PPM1E: variants seen among roughly 807,000 people sequenced by gnomAD.
The protein encoded by PPM1E is protein phosphatase 1E.
In PPM1E, 20 loss-of-function variants were observed where a neutral mutation model predicts 65.9. The ratio of observed to expected loss-of-function variants is 0.30; its 90% CI spans 0.21 to 0.44. The LOEUF is 0.44. Ranked by LOEUF, PPM1E falls within the 20% of genes least tolerant of loss-of-function variation. PPM1E has a pLI of 1.00. For missense variants in PPM1E, 713 were observed against 953.1 expected (o/e 0.75, Z 3.32); for synonymous variants, 352 against 374.9 (o/e 0.94, Z 0.70).
At chr17:58,882,951 C>CTTT (rs549698099) in intron 1 of PPM1E, among the ~76,000 whole-genome samples, 46 of 98,836 alleles carry the variant, frequency 4.7e-4, no homozygotes, top group African/African-American at 7.3e-4. Context: ...TTATTACTTT[C>CTTT]TTTTTTTTTT....
intron 1 of PPM1E, among the ~76,000 whole-genome samples, chr17:58,925,071 A>G (rs2051807441): frequency 6.6e-6 from 1 of 152,124 alleles, no homozygotes; most frequent in Non-Finnish European, 1.5e-5. Context: ...AGAATTATTT[A>G]TATTCCTTTG....
At chr17:58,798,130 T>G (rs2050222677) in intron 1 of PPM1E, among the ~76,000 whole-genome samples, 1 of 152,230 alleles carries the variant, frequency 6.6e-6, no homozygotes, top group Non-Finnish European at 1.5e-5. Flanking sequence ...GTATTTTTCC[T>G]TACTGAGTTA....
chr17:58,929,998 G>A (rs1035636274), intron 1 of PPM1E, among the ~76,000 whole-genome samples: 1 of 152,060 alleles, frequency 6.6e-6, no homozygotes, highest in African/African-American at 2.4e-5. Context: ...AATTCTTCCT[G>A]CTATCTCTGT....
At chr17:58,850,475 G>T (rs937957532) in intron 1 of PPM1E, among the ~76,000 whole-genome samples, 15 of 152,214 alleles carry the variant, frequency 9.9e-5, no homozygotes, top group African/African-American at 3.6e-4. Flanking sequence ...AGGCCTGGTG[G>T]TGACAAAATC....
chr17:58,879,779 G>T (rs985252968), intron 1 of PPM1E, among the ~76,000 whole-genome samples: 2 of 152,034 alleles, frequency 1.3e-5, no homozygotes, highest in African/African-American at 4.8e-5. Context: ...AAAGTGGTGG[G>T]ATTACAGGCG....
Position 58,899,899 on chromosome 17 carries a change from A to C in PPM1E, c.465-55750A>C, listed in dbSNP as rs1312054800. Among the ~76,000 whole-genome samples the C allele has an allele frequency of 2.0e-5, 3 of 152,182 alleles. No homozygotes were observed. The South Asian group carries it at 6.2e-4, about 32-fold the overall frequency. On this transcript the variant is annotated intron_variant, in intron 1 of 6. Transcript: ENST00000308249. Reference sequence around the variant, plus strand: ...AAGATAACTAAAAGAGAGAGAATTAATAGTTCTACCCTAAACAGAATGCAG... The same window carrying C: ...AAGATAACTAAAAGAGAGAGAATTACTAGTTCTACCCTAAACAGAATGCAG...
rs1272395275 is a variant in PPM1E at position 58,985,105 on chromosome 17, A to AAAG, written c.*4075_*4077dup. The AAAG allele has an allele frequency of 2.2e-4, 34 of 152,770 alleles. No individual in the cohort carries two copies. Among genetic ancestry groups the AAAG allele is most frequent in the Non-Finnish European group, 2.8e-4 (19 of 68,030 alleles). 9.5% of individuals were successfully genotyped at this position (152,770 alleles called of 1,614,324 possible). The stretch of plus-strand genomic sequence containing the variant: ...ATGAGTGATCCTTCATATTTTATTA[A>AAAG]AAGTGTTCATTCAGGTAAGGTGTAT... On this transcript the variant is annotated 3_prime_UTR_variant, in exon 7 of 7. Coordinates refer to ENST00000308249, the MANE Select transcript of PPM1E (RefSeq NM_014906.5).
chr17:58,764,927 C>T (rs1381381883), intron 1 of PPM1E, among the ~76,000 whole-genome samples: 2 of 151,766 alleles, frequency 1.3e-5, no homozygotes, highest in Non-Finnish European at 2.9e-5. Context: ...TTGTATAGGC[C>T]TATTATCATC....
intron 1 of PPM1E, among the ~76,000 whole-genome samples, chr17:58,816,771 TATATATATA>T: frequency 5.8e-5 from 1 of 17,226 alleles, no homozygotes; most frequent in South Asian, 1.2e-3. Flanking sequence ...TATATATATA[TATATATATA>T]TATATATATA....
chr17:58,933,972 G>C (rs1160198043), intron 1 of PPM1E, among the ~76,000 whole-genome samples: 2 of 151,372 alleles, frequency 1.3e-5, no homozygotes, highest in East Asian at 3.9e-4. Flanking sequence ...GCACGCGCCT[G>C]TAATCCCAGC....
chr17:58,943,770 C>T (rs946546415), intron 1 of PPM1E, among the ~76,000 whole-genome samples: 1 of 152,106 alleles, frequency 6.6e-6, no homozygotes, highest in Admixed American at 6.5e-5. Context: ...GATTCTGATG[C>T]GTGAGAAAGT....
intron 1 of PPM1E, among the ~76,000 whole-genome samples, chr17:58,926,269 C>A (rs757224582): frequency 4.0e-5 from 6 of 150,974 alleles, no homozygotes; most frequent in Non-Finnish European, 8.8e-5. Flanking sequence ...GAGGTGGAGT[C>A]TGCAGTAAGC....
At chr17:58,884,057 T>A (rs2051238245) in intron 1 of PPM1E, among the ~76,000 whole-genome samples, 1 of 152,218 alleles carries the variant, frequency 6.6e-6, no homozygotes, top group Non-Finnish European at 1.5e-5. Context: ...TCCTTGTTTT[T>A]CAGAATGATA....
intron 1 of PPM1E, among the ~76,000 whole-genome samples, chr17:58,818,363 C>A (rs1202246179): frequency 6.6e-6 from 1 of 152,126 alleles, no homozygotes; most frequent in Non-Finnish European, 1.5e-5. Flanking sequence ...ATATTTAATT[C>A]AGAACATCTT....
Position 58,846,443 on chromosome 17 carries a change from C to G in PPM1E, c.464+89982C>G, listed in dbSNP as rs117618641. On this transcript the variant is annotated intron_variant, in intron 1 of 6. Coordinates refer to ENST00000308249, the MANE Select transcript of PPM1E (RefSeq NM_014906.5). ...CGTTTCCCCCATCCTATGACAGACT[C>G]TGGTGTATGATGGTCCCCACCCTGT... 3.3e-5 allele frequency among the ~76,000 whole-genome samples: 5 copies of G among 152,192 alleles called. No individual in the cohort carries two copies. The East Asian group carries it at 7.7e-4, about 24-fold the overall frequency.
chr17:58,936,643 TC>T (rs1278564192), intron 1 of PPM1E, among the ~76,000 whole-genome samples: 1 of 152,186 alleles, frequency 6.6e-6, no homozygotes, highest in Non-Finnish European at 1.5e-5. Flanking sequence ...TGAAAATGCT[TC>T]CTGGCTTGGT....
chr17:58,927,196 G>A (rs1281597237), intron 1 of PPM1E, among the ~76,000 whole-genome samples: 4 of 144,634 alleles, frequency 2.8e-5, no homozygotes, highest in Non-Finnish European at 6.0e-5. Context: ...GCTCGGTCTC[G>A]GCTCACTGCA....
chr17:58,984,032 C>T lies in PPM1E; in HGVS notation c.*3001C>T, dbSNP rs1349590822. ...AACATTACAGCAACACACACTGGGG[C>T]TATTAATCCCATTTAGGTCTGTACT... On this transcript the variant is annotated 3_prime_UTR_variant, in exon 7 of 7. Coordinates refer to ENST00000308249, the MANE Select transcript of PPM1E (RefSeq NM_014906.5). 1.3e-5 allele frequency: 2 copies of T among 152,566 alleles called. No homozygotes were observed. Among genetic ancestry groups the T allele is most frequent in the African/African-American group, 4.8e-5 (2 of 41,414 alleles). The allele number at this position is 152,566 out of a possible 1,614,324, so 9.5% of individuals were successfully genotyped here.
chr17:58,928,001 A>G (rs1265288791), intron 1 of PPM1E, among the ~76,000 whole-genome samples: 1 of 152,094 alleles, frequency 6.6e-6, no homozygotes, highest in Middle Eastern at 3.4e-3. Context: ...CAGAGGTTGC[A>G]GCGAGCCAGG....
Sources: gnomAD v4.1 joint callset for allele counts (sites outside exome capture counted in the v4.1 genomes callset) on GRCh38, gnomAD v4.1.1 for gene constraint, MANE v1.5 for transcripts, NCBI Gene and HGNC (gene_info 2026-07-23, HGNC 2026-07-21) for gene names.